Variants in CHRNA4 observed in about 807,000 individuals in gnomAD.
CHRNA4 encodes the protein neuronal acetylcholine receptor subunit alpha-4.
CHRNA4 carries 28 observed loss-of-function variants against 48.9 expected under a neutral mutation model. That is an observed-to-expected ratio of 0.57 (90% CI 0.42 to 0.79). The LOEUF (loss-of-function observed/expected upper bound fraction) is 0.79, where lower values mean the gene tolerates loss of function less well. Among genes scored for constraint, CHRNA4 ranks in the 30% least tolerant of loss-of-function variants. The probability of loss-of-function intolerance (pLI) is 0.00; values close to 1 mark genes in which losing one functional copy is unlikely to be tolerated. For missense variants in CHRNA4, 859 were observed against 898.4 expected (o/e 0.96, Z 0.56); for synonymous variants, 425 against 402.3 (o/e 1.06, Z -0.68).
chr20:63,347,941 G>A (rs1263952371), intron 5 of CHRNA4, among the ~76,000 whole-genome samples: 9 of 152,232 alleles, frequency 5.9e-5, no homozygotes, highest in African/African-American at 2.2e-4. Context: ...AAGGCAAACG[G>A]GGTCACTTAT....
Position 63,349,715 on chromosome 20 carries a change from G to A in CHRNA4, c.1696C>T (p.Arg566Trp), listed in dbSNP as rs201674914. The change falls in exon 5 of 6, where the codon CGG becomes TGG. Residue 566 changes from arginine (R) to tryptophan (W), a missense_variant. This residue lies in a region of CHRNA4 where 478 missense variants were observed against 455.4 expected (regional missense o/e 1.05). Coordinates refer to ENST00000370263, the MANE Select transcript of CHRNA4 (RefSeq NM_000744.7). The part of the protein sequence containing the change: ...PHLPLSPALT[R>W]AVEGVQYIAD... Reference sequence around the variant, plus strand: ...ATGTACTGGACGCCCTCCACCGCCCGGGTCAGGGCCGGCGACAGGGGCAGG... The same window carrying A: ...ATGTACTGGACGCCCTCCACCGCCCAGGTCAGGGCCGGCGACAGGGGCAGG... 6.2e-6 allele frequency: 10 copies of A among 1,612,734 alleles called. No individual in the cohort carries two copies. The highest frequency in any genetic ancestry group is 3.3e-5 in the Admixed American group (2 of 60,014).
Position 63,343,758 on chromosome 20 carries a change from G to A in CHRNA4, c.*2980C>T, listed in dbSNP as rs201781046. The A allele has an allele frequency of 2.0e-5, 9 of 452,824 alleles. No individual in the cohort carries two copies. Among genetic ancestry groups the A allele is most frequent in the Non-Finnish European group, 3.5e-5 (8 of 225,854 alleles). The allele number at this position is 452,824 out of a possible 1,614,324, so 28.1% of individuals were successfully genotyped here. ...TGGCGCAAGCAGCCGCAGAGGGGCCGGCGCCCCGGCAGGCTTCGAGCTGCA... is the reference window on the plus strand; with the variant it reads ...TGGCGCAAGCAGCCGCAGAGGGGCCAGCGCCCCGGCAGGCTTCGAGCTGCA... On this transcript the variant is annotated 3_prime_UTR_variant, in exon 6 of 6. Transcript: ENST00000370263.
chr20:63,355,847 G>A, intron 4 of CHRNA4, 128 bp downstream of exon 4: 1 of 1,297,598 alleles, frequency 7.7e-7, no homozygotes, highest in Non-Finnish European at 1.1e-6. Context: ...TGGCATGCAT[G>A]GGGCTGGCAT....
At position 63,343,809 on chromosome 20, in the gene CHRNA4, T is replaced by C. The variant is rs200370924; in HGVS notation, c.*2929A>G. On this transcript the variant is annotated 3_prime_UTR_variant, in exon 6 of 6. Transcript: ENST00000370263. ...GCAGTGTCTCCCGCTGCCTGGTGCC[T>C]GGCACAGGGCGGGGAAACGTTGGCT... The C allele has an allele frequency of 2.2e-6, 1 of 454,120 alleles. No individual in the cohort carries two copies. The allele number at this position is 454,120 out of a possible 1,614,324, so 28.1% of individuals were successfully genotyped here.
Position 63,343,639 on chromosome 20 carries a change from C to CATG in CHRNA4, c.*3098_*3099insCAT, listed in dbSNP as rs1555835954. 2.2e-6 allele frequency: 1 copy of CATG among 452,122 alleles called. No individual in the cohort carries two copies. Among genetic ancestry groups the CATG allele is most frequent in the Non-Finnish European group, 4.4e-6 (1 of 225,258 alleles). The allele number at this position is 452,122 out of a possible 1,614,324, so 28.0% of individuals were successfully genotyped here. A position where few individuals can be genotyped will look rare whatever the true frequency, so the allele number is the denominator to read the frequency against. ...CCACGTCGCCCCAGGCCGGGCCACA[C>CATG]GGGAAGCACCCAGGCCGGTCCGGAG... On this transcript the variant is annotated 3_prime_UTR_variant, in exon 6 of 6. Transcript: ENST00000370263.
chr20:63,358,196 G>A (rs921908987), intron 2 of CHRNA4, among the ~76,000 whole-genome samples: 4 of 152,320 alleles, frequency 2.6e-5, no homozygotes, highest in Non-Finnish European at 5.9e-5. Context: ...GGCCAACCCT[G>A]GACGGGGCTG....
At chr20:63,353,437 AGCTGTGGTCCTAGGGG>A (rs1347663398) in intron 4 of CHRNA4, among the ~76,000 whole-genome samples, 2 of 112,870 alleles carry the variant, frequency 1.8e-5, no homozygotes, top group Admixed American at 9.6e-5. Flanking sequence ...TGCTCTCCTG[AGCTGTGGTCCTAGGGG>A]GCTGTGGTCC....
rs201948072 is a variant in CHRNA4 at position 63,356,100 on chromosome 20, C to G, written c.274-16G>C. On this transcript the variant is annotated splice_polypyrimidine_tract_variant and intron_variant, in intron 3 of 5. Coordinates refer to ENST00000370263, the MANE Select transcript of CHRNA4 (RefSeq NM_000744.7). ...CGTGCCACTCCTGGATGAGGTGGGGCGGGGGGAGGCTGCAGGGTGAGGGGT... is the reference window on the plus strand; with the variant it reads ...CGTGCCACTCCTGGATGAGGTGGGGGGGGGGGAGGCTGCAGGGTGAGGGGT... 5.7e-6 allele frequency: 4 copies of G among 706,118 alleles called. No homozygotes were observed. Among genetic ancestry groups the G allele is most frequent in the Non-Finnish European group, 3.7e-6 (2 of 533,982 alleles). The allele number at this position is 706,118 out of a possible 1,614,324, so 43.7% of individuals were successfully genotyped here. A position where few individuals can be genotyped will look rare whatever the true frequency, so the allele number is the denominator to read the frequency against.
chr20:63,349,147 C>T (rs1385790964), intron 5 of CHRNA4, among the ~76,000 whole-genome samples: 5 of 152,254 alleles, frequency 3.3e-5, no homozygotes, highest in East Asian at 1.9e-4. Context: ...GTCCCAGCTC[C>T]GTCCTCCTGC....
In CHRNA4 at chr20:63,350,221, C is replaced by A; in HGVS notation, c.1190G>T (p.Gly397Val). ...TGAGGGCGGGTGCAGGCTCTGGGTG[C>A]CGCTCGTGGCAGGGGGCTCCCCTTC... is the stretch of plus-strand genomic sequence containing the variant. ...EPEGEPPATSGTQSLHPPSPS... is the reference protein window; with the variant it reads ...EPEGEPPATSVTQSLHPPSPS... The change falls in exon 5 of 6, where the codon GGC (glycine) becomes GTC (valine). Residue 397 changes from glycine to valine, a missense_variant. Transcript: ENST00000370263. 6.2e-7 allele frequency: 1 copy of A among 1,606,342 alleles called. No individual in the cohort carries two copies.
rs764760832 is a variant in CHRNA4, at chr20:63,350,199, G to A, written c.1212C>T (p.Pro404=). 8 of 1,600,568 alleles carry A rather than the reference G, an allele frequency of 5.0e-6. No homozygotes were observed. Among genetic ancestry groups the A allele is most frequent in the Admixed American group, 3.4e-5 (2 of 58,538 alleles). Residue 404 remains proline (P), a synonymous_variant, in exon 5 of 6, where the codon CCC becomes CCT. Coordinates refer to ENST00000370263, the MANE Select transcript of CHRNA4 (RefSeq NM_000744.7). The part of the protein sequence containing the change: ...ATSGTQSLHP[P]SPSFCVPLDV... ...CCAGGGGGACACAGAAGGACGGTGA[G>A]GGCGGGTGCAGGCTCTGGGTGCCGC...
At position 63,349,874 on chromosome 20, in the gene CHRNA4, G is replaced by A. The variant is rs201864944; in HGVS notation, c.1537C>T (p.Arg513Cys). ...DGQAAGALASRNTHSAELPPP... is the reference protein window; with the variant it reads ...DGQAAGALASCNTHSAELPPP... ...GGGAGCTCAGCCGAGTGGGTGTTGC[G>A]AGAGGCCAGGGCGCCGGCAGCCTGG... Residue 513 changes from arginine (R) to cysteine (C), a missense_variant, in exon 5 of 6, where the codon CGC (arginine) becomes TGC (cysteine). By Grantham distance (180) the Arg-to-Cys change is radical. Coordinates refer to ENST00000370263, the MANE Select transcript of CHRNA4 (RefSeq NM_000744.7). 1.2e-5 allele frequency: 19 copies of A among 1,593,886 alleles called. No homozygotes were observed. Among genetic ancestry groups the A allele is most frequent in the African/African-American group, 5.4e-5 (4 of 74,540 alleles).
chr20:63,349,213 C>T (rs1212080778), intron 5 of CHRNA4, among the ~76,000 whole-genome samples: 1 of 152,088 alleles, frequency 6.6e-6, no homozygotes, highest in Admixed American at 6.5e-5. Flanking sequence ...GCCCCAGATA[C>T]GGAGGGGCCC....
chr20:63,353,668 TGGG>T (rs1568814620), intron 4 of CHRNA4, among the ~76,000 whole-genome samples: 1 of 43,578 alleles, frequency 2.3e-5, no homozygotes, highest in Non-Finnish European at 4.2e-5. Flanking sequence ...GCTGTGGTCC[TGGG>T]AGGGCTGCAG....
At chr20:63,357,061 A>ATTCCCACAGGACCACG (rs2068730612) in intron 2 of CHRNA4, among the ~76,000 whole-genome samples, 1 of 140,728 alleles carries the variant, frequency 7.1e-6, no homozygotes, top group African/African-American at 2.8e-5. Flanking sequence ...ACAGGACCAC[A>ATTCCCACAGGACCACG]TCTCCACGGA....
chr20:63,354,594 G>A, intron 4 of CHRNA4: 1 of 328,382 alleles, frequency 3.0e-6, no homozygotes, highest in Non-Finnish European at 3.9e-6. Flanking sequence ...AGTGGGGGGG[G>A]CTGCAGTACT....
chr20:63,350,062 C>A lies in CHRNA4; in HGVS notation c.1349G>T (p.Arg450Leu), dbSNP rs1469610360. The A allele has an allele frequency of 2.6e-6, 4 of 1,511,960 alleles. No individual in the cohort carries two copies. Among genetic ancestry groups the A allele is most frequent in the East Asian group, 4.7e-5 (2 of 42,336 alleles). 93.7% of individuals were successfully genotyped at this position (1,511,960 alleles called of 1,614,324 possible). Residue 450 changes from arginine (R) to leucine (L), a missense_variant, in exon 5 of 6, where the codon CGC (arginine) becomes CTC (leucine). Physicochemically the swap from Arg to Leu is moderately radical, Grantham distance 102. Transcript: ENST00000370263. ...TGGTGCCTGGGTGCCGTGGGGCGGG[C>A]GGCAGGGTCCAGGCGAGGGGTGGGG... ...ASPHPSPGPCRPPHGTQAPGL... is the reference protein window; with the variant it reads ...ASPHPSPGPCLPPHGTQAPGL...
Position 63,346,829 on chromosome 20 carries a change from A to G in CHRNA4, c.1793T>C (p.Ile598Thr), listed in dbSNP as rs1218274358. 6.2e-7 allele frequency: 1 copy of G among 1,612,670 alleles called. No individual in the cohort carries two copies. The highest frequency in any genetic ancestry group is 8.5e-7 in the Non-Finnish European group (1 of 1,179,666). The change falls in exon 6 of 6, where the codon ATC becomes ACC. Residue 598 changes from isoleucine (I) to threonine (T), a missense_variant. Ile to Thr is a moderately conservative substitution (Grantham distance 89, BLOSUM62 -1). Around this residue, in one of 3 missense-constraint regions of CHRNA4, gnomAD observed 478 missense variants for 455.4 expected, o/e 1.05. Coordinates refer to ENST00000370263, the MANE Select transcript of CHRNA4 (RefSeq NM_000744.7). ...GAACATCCAGAGGAAGATGCGGTCG[A>G]TGACCATGGCCACGTACTTCCAGTC... is the stretch of plus-strand genomic sequence containing the variant. ...KEDWKYVAMV[I>T]DRIFLWMFII...
chr20:63,347,684 C>T lies in CHRNA4; in HGVS notation c.1759-821G>A, dbSNP rs570077891. 1.0e-3 allele frequency among the ~76,000 whole-genome samples: 158 copies of T among 152,348 alleles called. 1 individual carries two copies. The highest frequency in any genetic ancestry group is 5.2e-3 in the Admixed American group (79 of 15,308). ...CCCTCGCCCCGGCTCCCCCGTCCCG[C>T]GTCTCTGGCTCTGCCGTGTAGGACC... is the stretch of plus-strand genomic sequence containing the variant. On this transcript the variant is annotated intron_variant, in intron 5 of 5. Transcript: ENST00000370263.
Sources: allele counts gnomAD v4.1 joint callset (sites outside exome capture counted in the v4.1 genomes callset), GRCh38; gene constraint gnomAD v4.1.1; regional missense constraint gnomAD v4.1.1; transcripts MANE v1.5; gene names NCBI Gene and HGNC (gene_info 2026-07-23, HGNC 2026-07-21).